The following PRELID2 variants were observed in gnomAD, a reference collection of about 807,000 sequenced individuals.
The protein encoded by PRELID2 is PRELI domain-containing protein 2.
PRELID2 carries 25 observed loss-of-function variants against 28.4 expected under a neutral mutation model. That is an observed-to-expected ratio of 0.88 (90% CI 0.64 to 1.23). PRELID2 has a LOEUF of 1.23. PRELID2 is among the 50% of genes most tolerant of loss of function. The probability of loss-of-function intolerance (pLI) is 0.00; values close to 1 mark genes in which losing one functional copy is unlikely to be tolerated. For missense variants in PRELID2, 201 were observed against 214.4 expected (o/e 0.94, Z 0.39); for synonymous variants, 76 against 71.6 (o/e 1.06, Z -0.31).
At chr5:145,733,040 G>A (rs1444321683) in intron 1 of PRELID2, among the ~76,000 whole-genome samples, 1 of 146,696 alleles carries the variant, frequency 6.8e-6, no homozygotes, top group East Asian at 2.0e-4. Flanking sequence ...GAGCCCAGGA[G>A]TTTGAGATCA....
intron 2 of PRELID2, among the ~76,000 whole-genome samples, chr5:145,821,152 G>GGTGGGTGGGTGTGTGTGTGT (rs1554100260): frequency 3.4e-5 from 3 of 88,192 alleles, no homozygotes; most frequent in African/African-American, 1.2e-4. Flanking sequence ...AACTCTCCTG[G>GGTGGGTGGGTGTGTGTGTGT]GTGTGTGTGT....
At chr5:145,324,784 C>T in the PRELID2 span, among the ~76,000 whole-genome samples, 58 of 151,974 alleles carry the variant, frequency 3.8e-4, 1 homozygote, top group Non-Finnish European at 2.9e-5. Flanking sequence ...TCAGCCCATT[C>T]CATAGATAAG....
intron 1 of PRELID2, among the ~76,000 whole-genome samples, chr5:145,499,779 G>A (rs922554287): frequency 3.3e-5 from 5 of 152,290 alleles, no homozygotes; most frequent in African/African-American, 1.2e-4. Context: ...CGAAATGAAA[G>A]GACAGCAGAG....
the PRELID2 span, among the ~76,000 whole-genome samples, chr5:145,262,453 C>T: frequency 1.3e-5 from 2 of 151,766 alleles, no homozygotes; most frequent in Non-Finnish European, 2.9e-5. Context: ...ATCAGGTAAC[C>T]TATAAAAGAA....
chr5:145,817,196 A>AAAAT lies in PRELID2; in HGVS notation c.368+694_368+697dup, dbSNP rs199802122. ...ACAGAGCAAGACTGCATTTCAAAAA[A>AAAAT]AAATAAATAAATAAATAAAAAAAAA... is the stretch of plus-strand genomic sequence containing the variant. On this transcript the variant is annotated intron_variant, in intron 4 of 6. Transcript: ENST00000683046. 3.5e-5 allele frequency among the ~76,000 whole-genome samples: 3 copies of AAAAT among 85,490 alleles called. 1 individual carries two copies. Among genetic ancestry groups the AAAAT allele is most frequent in the African/African-American group, 7.1e-5 (2 of 28,174 alleles). 56.1% of individuals were successfully genotyped at this position (85,490 alleles called of 152,430 possible).
intron 1 of PRELID2, among the ~76,000 whole-genome samples, chr5:145,627,601 G>T (rs982066166): frequency 6.6e-6 from 1 of 152,096 alleles, no homozygotes; most frequent in Non-Finnish European, 1.5e-5. Flanking sequence ...CATGGGAAAA[G>T]CTCATTACCT....
chr5:145,571,303 T>C (rs927624498), intron 1 of PRELID2, among the ~76,000 whole-genome samples: 4 of 152,150 alleles, frequency 2.6e-5, no homozygotes, highest in African/African-American at 4.8e-5. Context: ...AAAGTTAACC[T>C]GAAAAATGAG....
chr5:145,673,420 G>A (rs1420880561), intron 1 of PRELID2, among the ~76,000 whole-genome samples: 1 of 151,896 alleles, frequency 6.6e-6, no homozygotes, highest in Non-Finnish European at 1.5e-5. Context: ...GGTATAATAA[G>A]GGTAACCATT....
chr5:145,716,176 G>A (rs754825435), intron 1 of PRELID2, among the ~76,000 whole-genome samples: 3 of 152,174 alleles, frequency 2.0e-5, no homozygotes, highest in Non-Finnish European at 2.9e-5. Flanking sequence ...CCTGGTCTAA[G>A]TCTTCTGTTA....
At chr5:145,683,372 A>T (rs555371418) in intron 1 of PRELID2, among the ~76,000 whole-genome samples, 114 of 152,352 alleles carry the variant, frequency 7.5e-4, no homozygotes, top group African/African-American at 2.6e-3. Flanking sequence ...CATAACCAGT[A>T]TACTGGTGTG....
At chr5:145,422,331 G>T in the PRELID2 span, among the ~76,000 whole-genome samples, 2 of 151,800 alleles carry the variant, frequency 1.3e-5, no homozygotes, top group Non-Finnish European at 2.9e-5. Flanking sequence ...TTGACAGTGG[G>T]GTGTTAAAGT....
chr5:145,769,549 G>T lies in PRELID2; in HGVS notation c.475-4549C>A, dbSNP rs536707714. 2.6e-5 allele frequency among the ~76,000 whole-genome samples: 4 copies of T among 152,326 alleles called. No homozygotes were observed. The South Asian group carries it at 8.3e-4, about 32-fold the overall frequency. The stretch of plus-strand genomic sequence containing the variant: ...CCTTGAGAAGCTCTGATTTATGTAG[G>T]AGGCTTGGAAGAGAGTAATATTAGA... On this transcript the variant is annotated intron_variant, in intron 5 of 6. Transcript: ENST00000683046.
intron 1 of PRELID2, among the ~76,000 whole-genome samples, chr5:145,743,973 T>C (rs946530594): frequency 1.2e-4 from 18 of 152,218 alleles, no homozygotes; most frequent in Non-Finnish European, 5.9e-5. Context: ...CCCCAGGCCA[T>C]GCTTTTCCCT....
the PRELID2 span, among the ~76,000 whole-genome samples, chr5:145,449,934 T>G: frequency 6.6e-6 from 1 of 152,170 alleles, no homozygotes; most frequent in Non-Finnish European, 1.5e-5. Flanking sequence ...CAATAAATAC[T>G]TAAATTTTTG....
the PRELID2 span, among the ~76,000 whole-genome samples, chr5:145,448,763 C>G: frequency 6.6e-6 from 1 of 152,038 alleles, no homozygotes; most frequent in African/African-American, 2.4e-5. Flanking sequence ...AAAATAATAC[C>G]TATGTCATAT....
intron 4 of PRELID2, among the ~76,000 whole-genome samples, chr5:145,803,460 G>T (rs1439629350): frequency 6.6e-6 from 1 of 152,046 alleles, no homozygotes; most frequent in Admixed American, 6.6e-5. Flanking sequence ...GAACGAAGGC[G>T]CGGCTCCTGG....
At chr5:145,353,017 ATCT>A in the PRELID2 span, among the ~76,000 whole-genome samples, 4 of 152,110 alleles carry the variant, frequency 2.6e-5, no homozygotes, top group Non-Finnish European at 5.9e-5. Context: ...ACGTTTTCCT[ATCT>A]TCTTCTGAGC....
At chr5:145,422,014 T>G in the PRELID2 span, among the ~76,000 whole-genome samples, 2 of 149,434 alleles carry the variant, frequency 1.3e-5, no homozygotes, top group Non-Finnish European at 3.0e-5. Context: ...CAGGAGCAGG[T>G]TGTTCAGTTT....
At chr5:145,567,358 T>TTGGTC (rs1321472279) in intron 1 of PRELID2, among the ~76,000 whole-genome samples, 1 of 151,436 alleles carries the variant, frequency 6.6e-6, no homozygotes, top group African/African-American at 2.4e-5. Context: ...TTGGTTTGGT[T>TTGGTC]TGGTTTGGTT....
Sources: gnomAD v4.1 joint callset for allele counts (sites outside exome capture counted in the v4.1 genomes callset) on GRCh38, gnomAD v4.1.1 for gene constraint, MANE v1.5 for transcripts, NCBI Gene and HGNC (gene_info 2026-07-23, HGNC 2026-07-21) for gene names.